The following PCDHGB3 variants were observed in gnomAD, a reference collection of about 807,000 sequenced individuals.
PCDHGB3 encodes protocadherin gamma subfamily B, 3, also known as protocadherin gamma-B3.
In PCDHGB3, 40 loss-of-function variants were observed where a neutral mutation model predicts 59.2. That is an observed-to-expected ratio of 0.68 (90% CI 0.52 to 0.88). The LOEUF is 0.88. PCDHGB3 is among the 40% of genes least tolerant of loss of function. The pLI is 0.00. For synonymous variants in PCDHGB3, 581 were observed against 503.6 expected, an observed-to-expected ratio of 1.15 and a Z score of -2.06; for missense variants, 1,309 against 1,187.9, an observed-to-expected ratio of 1.10 and a Z score of -1.50.
At chr5:141,500,190 TTA>T (rs551092091) in intron 2 of PCDHGB3, among the ~76,000 whole-genome samples, 3 of 110,960 alleles carry the variant, frequency 2.7e-5, no homozygotes, top group Non-Finnish European at 3.9e-5. Context: ...TTATTTTTAT[TTA>T]TTTATTTATT....
In PCDHGB3 at chr5:141,486,049, C is replaced by T. The variant is rs766853468; in HGVS notation, c.2416-8758C>T. 1 of 1,614,206 alleles carries T rather than the reference C, an allele frequency of 6.2e-7. No homozygotes were observed. The highest frequency in any genetic ancestry group is 8.5e-7 in the Non-Finnish European group (1 of 1,180,034). ...ATACCCCTGATCGTGTAAGAAACCT[C>T]TTTAGCCTGCACCCCACTACTGGAA... On this transcript the variant is annotated intron_variant, in intron 1 of 3. Transcript: ENST00000576222. The surrounding 1 kb of genome is among the most constrained non-coding windows in gnomAD (Gnocchi z 5.0).
At position 141,511,247 on chromosome 5, in the gene PCDHGB3, C is replaced by A; in HGVS notation, c.*74C>A. The A allele has an allele frequency of 1.3e-6, 2 of 1,577,162 alleles. No individual in the cohort carries two copies. The highest frequency in any genetic ancestry group is 1.7e-6 in the Non-Finnish European group (2 of 1,161,712). On this transcript the variant is annotated 3_prime_UTR_variant, in exon 4 of 4. Transcript: ENST00000576222. Reference sequence around the variant, plus strand: ...CAGCTTCTCCTTACCTGCACCCAGGCCTCAGAGTTTCAGGGCTAACCCCCA... The same window carrying A: ...CAGCTTCTCCTTACCTGCACCCAGGACTCAGAGTTTCAGGGCTAACCCCCA...
rs2096315825 is a variant in PCDHGB3 at position 141,419,028 on chromosome 5, T to C, written c.2415+46219T>C. On this transcript the variant is annotated intron_variant, in intron 1 of 3. Coordinates refer to ENST00000576222, the MANE Select transcript of PCDHGB3 (RefSeq NM_018924.5). ...GTCAGGTGTAGCTTAAGTAGAGGTG[T>C]TCCATTTAAGATTCATTCTTCTTCT... 5.0e-6 allele frequency: 8 copies of C among 1,613,638 alleles called. No individual in the cohort carries two copies. The South Asian group carries it at 8.8e-5, about 18-fold the overall frequency.
rs1176011355 is a variant in PCDHGB3 at position 141,485,491 on chromosome 5, G to A, written c.2416-9316G>A. The A allele has an allele frequency of 1.2e-6, 2 of 1,614,142 alleles. No individual in the cohort carries two copies. Among genetic ancestry groups the A allele is most frequent in the Non-Finnish European group, 1.7e-6 (2 of 1,180,040 alleles). On this transcript the variant is annotated intron_variant, in intron 1 of 3. Transcript: ENST00000576222. This position sits in a 1 kb window ranked among gnomAD's most constrained non-coding sequence, Gnocchi z 5.7. ...TCAGTGCCAGCTGCATCGTGCCCCT[G>A]GAGTTTGTCACCGAAGGTCCTTTGG...
rs1192987646 is a variant in PCDHGB3, at chr5:141,423,758, G to A, written c.2415+50949G>A. Reference sequence around the variant, plus strand: ...CTGTTATGAAAACTGTTTGGGGGGGGGGTGGGGCGGCATATATTTAGTTCA... The same window carrying A: ...CTGTTATGAAAACTGTTTGGGGGGGAGGTGGGGCGGCATATATTTAGTTCA... On this transcript the variant is annotated intron_variant, in intron 1 of 3. Coordinates refer to ENST00000576222, the MANE Select transcript of PCDHGB3 (RefSeq NM_018924.5). 8.2e-5 allele frequency: 30 copies of A among 366,770 alleles called. 3 individuals are homozygous for A. Among genetic ancestry groups the A allele is most frequent in the Non-Finnish European group, 1.1e-4 (29 of 259,742 alleles). The allele number at this position is 366,770 out of a possible 1,614,324, so 22.7% of individuals were successfully genotyped here.
At chr5:141,472,855 A>C (rs1179268125) in intron 1 of PCDHGB3, among the ~76,000 whole-genome samples, 3 of 151,078 alleles carry the variant, frequency 2.0e-5, no homozygotes, top group African/African-American at 7.3e-5. Flanking sequence ...GCATGGTGGC[A>C]CATGCCTGTA....
intron 1 of PCDHGB3, chr5:141,388,301 G>C (rs1323976869): frequency 6.2e-7 from 1 of 1,613,606 alleles, no homozygotes; most frequent in African/African-American, 1.3e-5. Context: ...ATTCCTTTGA[G>C]CTGCAAATAA....
intron 1 of PCDHGB3, chr5:141,427,524 C>T (rs1421119651): frequency 1.6e-6 from 1 of 610,726 alleles, no homozygotes; most frequent in South Asian, 1.5e-5. Flanking sequence ...GGAGCGGATC[C>T]CGGAGTACAA....
Position 141,486,098 on chromosome 5 carries a change from G to A in PCDHGB3, c.2416-8709G>A, listed in dbSNP as rs1211678224. ...AAAGCTTACTCTTTTGGGGCCCCTA[G>A]ACTTTGAGAGTGAGAATTACTATGA... On this transcript the variant is annotated intron_variant, in intron 1 of 3. Transcript: ENST00000576222. This position sits in a 1 kb window ranked among gnomAD's most constrained non-coding sequence, Gnocchi z 5.0. 5.0e-6 allele frequency: 8 copies of A among 1,614,032 alleles called. No homozygotes were observed. Among genetic ancestry groups the A allele is most frequent in the Admixed American group, 3.3e-5 (2 of 59,994 alleles).
chr5:141,504,705 T>C (rs960774850), intron 2 of PCDHGB3, among the ~76,000 whole-genome samples: 19 of 151,608 alleles, frequency 1.3e-4, no homozygotes, highest in Middle Eastern at 3.4e-3. Flanking sequence ...GGTTCTTCTA[T>C]GGCCGTGGAT....
At chr5:141,452,879 A>C (rs1389712789) in intron 1 of PCDHGB3, among the ~76,000 whole-genome samples, 1 of 152,200 alleles carries the variant, frequency 6.6e-6, no homozygotes, top group Admixed American at 6.5e-5. Context: ...CATTTGTAAT[A>C]ATTTATTCCA....
rs1303712746 is a variant in PCDHGB3 at position 141,512,800 on chromosome 5, C to G, written c.*1627C>G. The G allele has an allele frequency of 1.3e-5, 2 of 152,238 alleles. No homozygotes were observed. Among genetic ancestry groups the G allele is most frequent in the African/African-American group, 4.8e-5 (2 of 41,434 alleles). The allele number at this position is 152,238 out of a possible 1,614,324, so 9.4% of individuals were successfully genotyped here. A position where few individuals can be genotyped will look rare whatever the true frequency, so the allele number is the denominator to read the frequency against. On this transcript the variant is annotated 3_prime_UTR_variant, in exon 4 of 4. Coordinates refer to ENST00000576222, the MANE Select transcript of PCDHGB3 (RefSeq NM_018924.5). Reference sequence around the variant, plus strand: ...GCCCGTGTTGTGTTTTGTGCTGTGTCCACGCGCTAAGGCGACCCCCTCCCC... The same window carrying G: ...GCCCGTGTTGTGTTTTGTGCTGTGTGCACGCGCTAAGGCGACCCCCTCCCC...
rs762138055 is a variant in PCDHGB3, at chr5:141,490,757, T to C, written c.2416-4050T>C. 6.2e-7 allele frequency: 1 copy of C among 1,613,918 alleles called. No homozygotes were observed. The highest frequency in any genetic ancestry group is 2.2e-5 in the East Asian group (1 of 44,892). On this transcript the variant is annotated intron_variant, in intron 1 of 3. Coordinates refer to ENST00000576222, the MANE Select transcript of PCDHGB3 (RefSeq NM_018924.5). The surrounding 1 kb of genome is among the most constrained non-coding windows in gnomAD (Gnocchi z 5.4). ...GTTCAGGGAGCCCCAGCCTCCTCCT[T>C]TGTGTATGTCAACCCAGAGGATGGA...
In PCDHGB3 at chr5:141,476,651, T is replaced by C. The variant is rs1355056895; in HGVS notation, c.2416-18156T>C. On this transcript the variant is annotated intron_variant, in intron 1 of 3. Coordinates refer to ENST00000576222, the MANE Select transcript of PCDHGB3 (RefSeq NM_018924.5). This position sits in a 1 kb window ranked among gnomAD's most constrained non-coding sequence, Gnocchi z 7.6. ...AACCTATGAGCTGAGCCGAAATGAA[T>C]ACTTTGCGCTTCGCGTGCAGACGCG... is the stretch of plus-strand genomic sequence containing the variant. The C allele has an allele frequency of 3.7e-6, 6 of 1,614,118 alleles. No individual in the cohort carries two copies. Among genetic ancestry groups the C allele is most frequent in the Non-Finnish European group, 5.1e-6 (6 of 1,180,050 alleles).
At chr5:141,507,785 C>T (rs1203302886) in intron 3 of PCDHGB3, among the ~76,000 whole-genome samples, 1 of 152,222 alleles carries the variant, frequency 6.6e-6, no homozygotes, top group African/African-American at 2.4e-5. Context: ...GCCTGACCCT[C>T]GTCTAAGCCT....
Position 141,431,948 on chromosome 5 carries a change from T to G in PCDHGB3, c.2415+59139T>G. ...AAATCTGCCCTTTAAATTAGAAAAA[T>G]CTTACGGAAATTACTATAGTTTAGT... is the stretch of plus-strand genomic sequence containing the variant. On this transcript the variant is annotated intron_variant, in intron 1 of 3. Transcript: ENST00000576222. The surrounding 1 kb of genome is among the most constrained non-coding windows in gnomAD (Gnocchi z 4.8). The G allele has an allele frequency of 6.2e-7, 1 of 1,614,076 alleles. No homozygotes were observed. The highest frequency in any genetic ancestry group is 8.5e-7 in the Non-Finnish European group (1 of 1,180,006).
rs746487145 is a variant in PCDHGB3 at position 141,505,415 on chromosome 5, G to A, written c.2497G>A (p.Gly833Ser). 7.4e-6 allele frequency: 12 copies of A among 1,614,074 alleles called. No individual in the cohort carries two copies. The East Asian group carries it at 1.3e-4, about 18-fold the overall frequency. Residue 833 changes from glycine to serine, a missense_variant, in exon 3 of 4, where the codon GGC (glycine) becomes AGC (serine). Gly to Ser is a moderately conservative substitution (Grantham distance 56, BLOSUM62 0). Coordinates refer to ENST00000576222, the MANE Select transcript of PCDHGB3 (RefSeq NM_018924.5). ...CAGCTCCCAAAATGGCGATGACACC[G>A]GCACCTGGCCCAACAACCAGTTTGA... ...TSGSQNGDDT[G>S]TWPNNQFDTE...
At chr5:141,399,048 G>C (rs779434482) in intron 1 of PCDHGB3, 7 of 1,613,830 alleles carry the variant, frequency 4.3e-6, no homozygotes, top group Non-Finnish European at 5.1e-6. Flanking sequence ...ATTTTGAAGA[G>C]ACCAAGGAAT....
Position 141,431,915 on chromosome 5 carries a change from A to G in PCDHGB3, c.2415+59106A>G. 1 of 1,614,040 alleles carries G rather than the reference A, an allele frequency of 6.2e-7. No homozygotes were observed. The highest frequency in any genetic ancestry group is 8.5e-7 in the Non-Finnish European group (1 of 1,179,854). On this transcript the variant is annotated intron_variant, in intron 1 of 3. Coordinates refer to ENST00000576222, the MANE Select transcript of PCDHGB3 (RefSeq NM_018924.5). The surrounding 1 kb of genome is among the most constrained non-coding windows in gnomAD (Gnocchi z 4.8). ...GGAAAACGGACAGGTGATCTGTTTC[A>G]TCCAAGGAAATCTGCCCTTTAAATT...
Sources: allele counts gnomAD v4.1 joint callset (sites outside exome capture counted in the v4.1 genomes callset), GRCh38; gene constraint gnomAD v4.1.1; non-coding constraint Gnocchi (gnomAD v3.1); transcripts MANE v1.5; gene names NCBI Gene and HGNC (gene_info 2026-07-23, HGNC 2026-07-21).